SPTAN1: variants seen among roughly 807,000 people sequenced by gnomAD.
SPTAN1 encodes spectrin alpha chain, non-erythrocytic 1.
In SPTAN1, 61 loss-of-function variants were observed where a neutral mutation model predicts 331.3. The ratio of observed to expected loss-of-function variants is 0.18; its 90% CI spans 0.15 to 0.23. SPTAN1 has a LOEUF of 0.23. SPTAN1 is among the 10% of genes least tolerant of loss of function. The pLI is 1.00. For synonymous variants in SPTAN1, 1,153 were observed against 1,173.9 expected (o/e 0.98, Z 0.36); for missense variants, 2,043 against 3,147.9 (o/e 0.65, Z 8.40).
chr9:128,553,162 T>C (rs1349777268), intron 1 of SPTAN1: 1 of 152,224 alleles, frequency 6.6e-6, no homozygotes, highest in Non-Finnish European at 1.5e-5. Flanking sequence ...GCACCAGCAA[T>C]GCCGGCCAGC....
At position 128,615,814 on chromosome 9, in the gene SPTAN1, C is replaced by T. The variant is rs758017157; in HGVS notation, c.5331C>T (p.Asp1777=). 124 of 1,614,112 alleles carry T rather than the reference C, an allele frequency of 7.7e-5. No individual in the cohort carries two copies. Among genetic ancestry groups the T allele is most frequent in the Non-Finnish European group, 9.8e-5 (116 of 1,180,048 alleles). ...ATCGCCTGCACCAGTTCTTCCGGGA[C>T]ATGGATGACGAGGAGTCCTGGATCA... The part of the protein sequence containing the change: ...ESHRLHQFFR[D]MDDEESWIKE... The change falls in exon 41 of 57, where the codon GAC becomes GAT. Residue 1777 remains aspartate (D), a synonymous_variant. Transcript: ENST00000372739.
At chr9:128,578,346 T>G in intron 9 of SPTAN1, 101 bp downstream of exon 9, 1 of 1,482,274 alleles carries the variant, frequency 6.7e-7, no homozygotes, top group East Asian at 2.3e-5. Context: ...TGGTACCATG[T>G]TATTCACAGG....
At position 128,591,522 on chromosome 9, in the gene SPTAN1, G is replaced by A; in HGVS notation, c.3052G>A (p.Ala1018Thr). Residue 1018 changes from alanine (A) to threonine (T), a missense_variant, in exon 22 of 57, where the codon GCT becomes ACT. Around this residue, in one of 12 missense-constraint regions of SPTAN1, gnomAD observed 1,038 missense variants for 1,531.5 expected, o/e 0.68. Transcript: ENST00000372739. ...GAACGATCGTCAGGGTTTTGTGCCG[G>A]CTGCGTACGTGAAGAAATTGGACCC... ...EVNDRQGFVPAAYVKKLDPAQ... is the reference protein window; with the variant it reads ...EVNDRQGFVPTAYVKKLDPAQ... 6.2e-7 allele frequency: 1 copy of A among 1,614,118 alleles called. No individual in the cohort carries two copies.
intron 39 of SPTAN1, 90 bp from the exon 40 acceptor site, chr9:128,613,291 C>T (rs1175874324): frequency 1.0e-6 from 1 of 999,950 alleles, no homozygotes; most frequent in Non-Finnish European, 1.6e-6. Flanking sequence ...CCAAGCAAGG[C>T]CCTGGAATAG....
chr9:128,618,534 A>T (rs1857459584), intron 43 of SPTAN1, among the ~76,000 whole-genome samples: 1 of 151,960 alleles, frequency 6.6e-6, no homozygotes, highest in Non-Finnish European at 1.5e-5. Context: ...CCCAGGCTGG[A>T]GTGCAGTGGC....
At chr9:128,618,668 A>G (rs983420931) in intron 43 of SPTAN1, among the ~76,000 whole-genome samples, 25 of 152,008 alleles carry the variant, frequency 1.6e-4, no homozygotes, top group African/African-American at 5.8e-4. Flanking sequence ...TATTTTTAGT[A>G]GAGACGGGGT....
At chr9:128,578,443 T>C (rs1851553573) in intron 9 of SPTAN1, among the ~76,000 whole-genome samples, 198 bp downstream of exon 9, 1 of 152,172 alleles carries the variant, frequency 6.6e-6, no homozygotes, top group Non-Finnish European at 1.5e-5. Context: ...GGGTTCAGTG[T>C]CAAGAGGTTC....
intron 39 of SPTAN1, among the ~76,000 whole-genome samples, chr9:128,613,018 G>T (rs1349115534): frequency 6.6e-6 from 1 of 152,088 alleles, no homozygotes; most frequent in East Asian, 1.9e-4. Flanking sequence ...ACATTGAGGT[G>T]TTCCCAGCCT....
At chr9:128,559,631 T>C (rs1415499021) in intron 1 of SPTAN1, among the ~76,000 whole-genome samples, 1 of 152,188 alleles carries the variant, frequency 6.6e-6, no homozygotes, top group East Asian at 1.9e-4. Flanking sequence ...TTTCTCAATG[T>C]TTTTCCATCT....
At chr9:128,580,536 T>C (rs980586077) in intron 10 of SPTAN1, among the ~76,000 whole-genome samples, 2 of 152,086 alleles carry the variant, frequency 1.3e-5, no homozygotes, top group Non-Finnish European at 1.5e-5. Context: ...TCTGAATTTA[T>C]TTTCCATATG....
At chr9:128,619,851 A>G (rs1857623360) in intron 44 of SPTAN1, among the ~76,000 whole-genome samples, 1 of 152,220 alleles carries the variant, frequency 6.6e-6, no homozygotes, top group Admixed American at 6.5e-5. Flanking sequence ...TCTTACTTCC[A>G]ATGGATCTGT....
intron 24 of SPTAN1, among the ~76,000 whole-genome samples, chr9:128,594,868 G>A (rs56313017): frequency 6.0e-5 from 7 of 117,560 alleles, no homozygotes; most frequent in South Asian, 5.3e-4. Flanking sequence ...CTCTTTTGTC[G>A]CCCAGGCTGG....
At chr9:128,587,812 ACAAAGAT>A (rs1852853619) in intron 20 of SPTAN1, 114 bp downstream of exon 20, 2 of 772,414 alleles carry the variant, frequency 2.6e-6, no homozygotes. Flanking sequence ...CTCTTGTGAC[ACAAAGAT>A]TTACAGAGTT....
At chr9:128,591,084 CAG>C (rs1853435809) in intron 21 of SPTAN1, among the ~76,000 whole-genome samples, 1 of 150,734 alleles carries the variant, frequency 6.6e-6, no homozygotes, top group Non-Finnish European at 1.5e-5. Flanking sequence ...TTTTATGAGA[CAG>C]AGTCTCGCTC....
In SPTAN1 at chr9:128,625,947, A is replaced by T. The variant is rs2131955431; in HGVS notation, c.6248A>T (p.Lys2083Met). 6.2e-7 allele frequency: 1 copy of T among 1,614,148 alleles called. No individual in the cohort carries two copies. The highest frequency in any genetic ancestry group is 2.2e-5 in the East Asian group (1 of 44,874). The change falls in exon 48 of 57, where the codon AAG (lysine) becomes ATG (methionine). Residue 2083 changes from lysine (K) to methionine (M), a missense_variant. Lys to Met is a moderately conservative substitution (Grantham distance 95, BLOSUM62 -1). Transcript: ENST00000372739. This position sits in a 1 kb window ranked among gnomAD's most constrained non-coding sequence, Gnocchi z 4.1. ...LLANSAARKK[K>M]LLEAQSHFRK... ...GCCAACTCAGCCGCCCGCAAGAAGA[A>T]GCTTCTGGAGGCTCAGAGTCACTTC...
At chr9:128,576,688 A>G (rs938173127) in intron 5 of SPTAN1, 135 bp from the exon 6 acceptor site, 18 of 1,175,924 alleles carry the variant, frequency 1.5e-5, no homozygotes, top group Admixed American at 4.0e-5. Flanking sequence ...ACTTTGTATC[A>G]TGTTGACCAT....
chr9:128,607,808 G>A (rs1356262258), intron 32 of SPTAN1, 44 bp from the exon 33 acceptor site: 2 of 1,612,188 alleles, frequency 1.2e-6, no homozygotes, highest in Non-Finnish European at 1.7e-6. Context: ...CGTCAGAGTG[G>A]GCATCTGCTG....
At chr9:128,584,924 A>C (rs1450332826) in intron 18 of SPTAN1, 81 bp downstream of exon 18, 1 of 1,565,592 alleles carries the variant, frequency 6.4e-7, no homozygotes, top group Non-Finnish European at 8.8e-7. Context: ...CCACGTGGGC[A>C]TCACAAACCA....
chr9:128,562,470 T>C (rs949362898), intron 1 of SPTAN1, among the ~76,000 whole-genome samples: 1 of 152,132 alleles, frequency 6.6e-6, no homozygotes, highest in Non-Finnish European at 1.5e-5. Context: ...GAAAGGGAAC[T>C]TTTTGAGCTT....
Sources: allele counts gnomAD v4.1 joint callset (sites outside exome capture counted in the v4.1 genomes callset), GRCh38; gene constraint gnomAD v4.1.1; regional missense constraint gnomAD v4.1.1; non-coding constraint Gnocchi (gnomAD v3.1); transcripts MANE v1.5; gene names NCBI Gene and HGNC (gene_info 2026-07-23, HGNC 2026-07-21).